Variants in NTM observed in about 807,000 individuals in gnomAD.
NTM encodes neurotrimin, also known as IgLON family member 2.
Under a neutral mutation model 42.1 loss-of-function variants are expected in NTM, and 13 were observed. The observed-to-expected ratio is 0.31, with a 90% CI of 0.20 to 0.49. NTM has a LOEUF of 0.49. Ranked by LOEUF, NTM falls within the 20% of genes least tolerant of loss-of-function variation. The probability of loss-of-function intolerance (pLI) is 0.99; values close to 1 mark genes in which losing one functional copy is unlikely to be tolerated. For missense variants in NTM, 373 were observed against 452.8 expected, an observed-to-expected ratio of 0.82 and a Z score of 1.60; for synonymous variants, 187 against 179.2, an observed-to-expected ratio of 1.04 and a Z score of -0.35.
chr11:131,877,704 GA>G (rs1181694381), intron 1 of NTM: 4 of 152,298 alleles, frequency 2.6e-5, no homozygotes. Context: ...TACTCATCTT[GA>G]TGACAATATT....
intron 1 of NTM, among the ~76,000 whole-genome samples, chr11:131,842,256 A>T (rs1287427388): frequency 1.3e-5 from 2 of 152,202 alleles, no homozygotes; most frequent in African/African-American, 4.8e-5. Flanking sequence ...TTTGGAACAT[A>T]TGAGTCCATG....
At chr11:131,672,431 G>A (rs756344172) in intron 1 of NTM, among the ~76,000 whole-genome samples, 91 of 152,172 alleles carry the variant, frequency 6.0e-4, no homozygotes, top group South Asian at 1.0e-3. Context: ...TTGGATGAGC[G>A]CTGTGTGGCT....
At chr11:131,463,852 GGAGA>G (rs1210790512) in intron 1 of NTM, among the ~76,000 whole-genome samples, 1 of 152,250 alleles carries the variant, frequency 6.6e-6, no homozygotes, top group Non-Finnish European at 1.5e-5. Flanking sequence ...GGCCCAGGAA[GGAGA>G]GAGGATGGGG....
chr11:132,134,723 A>ATC (rs1843238967), intron 2 of NTM, among the ~76,000 whole-genome samples: 1 of 58,596 alleles, frequency 1.7e-5, no homozygotes, highest in African/African-American at 1.1e-4. Context: ...ATATATATAT[A>ATC]TATATATATA....
At chr11:131,839,854 T>A (rs1045255606) in intron 1 of NTM, among the ~76,000 whole-genome samples, 1 of 152,302 alleles carries the variant, frequency 6.6e-6, no homozygotes, top group Non-Finnish European at 1.5e-5. Flanking sequence ...AGTGAACCAT[T>A]GGGAGATAGT....
intron 2 of NTM, among the ~76,000 whole-genome samples, chr11:132,120,368 AGAGT>A (rs929428175): frequency 1.3e-5 from 2 of 152,174 alleles, no homozygotes; most frequent in African/African-American, 4.8e-5. Context: ...GAAAAGAATG[AGAGT>A]GAGGGGTGAC....
chr11:132,037,094 C>A (rs893530183), intron 2 of NTM, among the ~76,000 whole-genome samples: 1 of 151,980 alleles, frequency 6.6e-6, no homozygotes, highest in African/African-American at 2.4e-5. Flanking sequence ...AAGTTTGATC[C>A]CTGATGTTGG....
intron 1 of NTM, among the ~76,000 whole-genome samples, chr11:131,429,151 T>C (rs1426405110): frequency 6.6e-6 from 1 of 152,200 alleles, no homozygotes; most frequent in East Asian, 1.9e-4. Flanking sequence ...AAGGTGGTGA[T>C]GCTTTGCGTC....
At chr11:131,488,678 T>C (rs1407173931) in intron 1 of NTM, among the ~76,000 whole-genome samples, 1 of 152,186 alleles carries the variant, frequency 6.6e-6, no homozygotes, top group Admixed American at 6.5e-5. Flanking sequence ...ACTATAGCAA[T>C]TCATGCCCTT....
At chr11:132,274,783 A>G (rs1431288420) in intron 4 of NTM, among the ~76,000 whole-genome samples, 1 of 152,146 alleles carries the variant, frequency 6.6e-6, no homozygotes, top group Non-Finnish European at 1.5e-5. Context: ...AGTATACTAT[A>G]TGCCAGTCTC....
chr11:131,401,828 A>ATATATATATATATG (rs1945232755), intron 1 of NTM, among the ~76,000 whole-genome samples: 6 of 53,378 alleles, frequency 1.1e-4, no homozygotes, highest in African/African-American at 3.8e-4. Context: ...ATATATATAT[A>ATATATATATATATG]TATATATATA....
chr11:132,307,351 G>C (rs540819435), intron 4 of NTM, among the ~76,000 whole-genome samples: 1 of 152,288 alleles, frequency 6.6e-6, no homozygotes, highest in African/African-American at 2.4e-5. Flanking sequence ...TAAGGTGCCT[G>C]ACTCAGATCC....
At chr11:132,332,403 AT>A (rs2095816908) in intron 8 of NTM, 1 of 152,308 alleles carries the variant, frequency 6.6e-6, no homozygotes, top group Non-Finnish European at 1.5e-5. Context: ...GATGATGATG[AT>A]GGAGAGCTTC....
intron 1 of NTM, among the ~76,000 whole-genome samples, chr11:131,606,905 A>G (rs1462667164): frequency 1.3e-5 from 2 of 152,168 alleles, no homozygotes; most frequent in Non-Finnish European, 2.9e-5. Flanking sequence ...CTCTAAATGT[A>G]TCTTTATCAT....
rs551717717 is a variant in NTM at position 132,076,854 on chromosome 11, ATCAATATTGG to A, written c.168-69425_168-69416del. Among the ~76,000 whole-genome samples the A allele has an allele frequency of 9.3e-4, 141 of 152,338 alleles. 1 individual carries two copies. Among genetic ancestry groups the A allele is most frequent in the African/African-American group, 3.2e-3 (134 of 41,580 alleles). The stretch of plus-strand genomic sequence containing the variant: ...GCCAATTACAAATTTATTATATCTT[ATCAATATTGG>A]TCTTGTCATCATTTTTATTACCCAT... On this transcript the variant is annotated intron_variant, in intron 2 of 8. Transcript: ENST00000683400.
At chr11:132,213,443 G>A (rs1023711859) in intron 4 of NTM, among the ~76,000 whole-genome samples, 11 of 152,026 alleles carry the variant, frequency 7.2e-5, no homozygotes, top group African/African-American at 2.4e-4. Flanking sequence ...TGTGACTGTG[G>A]GCCAGGCATC....
At chr11:131,646,793 T>A (rs1455405158) in intron 1 of NTM, among the ~76,000 whole-genome samples, 1 of 152,220 alleles carries the variant, frequency 6.6e-6, no homozygotes, top group Non-Finnish European at 1.5e-5. Flanking sequence ...TATCAACATT[T>A]GGAGTTTTGT....
chr11:131,650,933 T>G (rs1452609158), intron 1 of NTM, among the ~76,000 whole-genome samples: 1 of 152,216 alleles, frequency 6.6e-6, no homozygotes, highest in African/African-American at 2.4e-5. Flanking sequence ...ACTATTAATC[T>G]TCAATAAGTT....
intron 1 of NTM, among the ~76,000 whole-genome samples, chr11:131,846,844 C>A (rs372236679): frequency 6.6e-6 from 1 of 151,892 alleles, no homozygotes; most frequent in African/African-American, 2.4e-5. Flanking sequence ...GGCTCAACAA[C>A]AGAAATGCAG....
Sources: allele counts gnomAD v4.1 joint callset (sites outside exome capture counted in the v4.1 genomes callset), GRCh38; gene constraint gnomAD v4.1.1; transcripts MANE v1.5; gene names NCBI Gene and HGNC (gene_info 2026-07-23, HGNC 2026-07-21).